Variants in ERO1A observed in about 807,000 individuals in gnomAD.
ERO1A encodes ERO1-like protein alpha.
Under a neutral mutation model 76.9 loss-of-function variants are expected in ERO1A, and 49 were observed. The ratio of observed to expected loss-of-function variants is 0.64; its 90% CI spans 0.51 to 0.81. ERO1A has a LOEUF of 0.81. Ranked by LOEUF, ERO1A falls within the 30% of genes least tolerant of loss-of-function variation. The probability of loss-of-function intolerance (pLI) is 0.00; values close to 1 mark genes in which losing one functional copy is unlikely to be tolerated. For missense variants in ERO1A, 448 were observed against 542.1 expected (o/e 0.83, Z 1.72); for synonymous variants, 174 against 181.2 (o/e 0.96, Z 0.32).
At chr14:52,656,797 A>G (rs1287912324) in intron 11 of ERO1A, among the ~76,000 whole-genome samples, 1 of 152,000 alleles carries the variant, frequency 6.6e-6, no homozygotes, top group African/African-American at 2.4e-5. Context: ...ACAGTAGCTC[A>G]CGGCTATAAT....
chr14:52,665,753 G>C (rs1369853227), intron 7 of ERO1A, among the ~76,000 whole-genome samples: 1 of 152,060 alleles, frequency 6.6e-6, no homozygotes, highest in Non-Finnish European at 1.5e-5. Flanking sequence ...CGTACAAAGC[G>C]GGCTCTTTCA....
rs535132914 is a variant in ERO1A, at chr14:52,688,538, C to T, written c.115-4631G>A. On this transcript the variant is annotated intron_variant, in intron 1 of 15. Transcript: ENST00000395686. ...AGTACATGTTAATCATTATTATTAC[C>T]CTACTTCTACTTAAATGCTTCCAAT... is the stretch of plus-strand genomic sequence containing the variant. Among the ~76,000 whole-genome samples the T allele has an allele frequency of 6.6e-5, 10 of 152,116 alleles. 2 individuals carry two copies. Among genetic ancestry groups the T allele is most frequent in the African/African-American group, 2.4e-4 (10 of 41,474 alleles).
chr14:52,671,951 C>T, intron 4 of ERO1A, 80 bp from the exon 5 acceptor site: 1 of 983,004 alleles, frequency 1.0e-6, no homozygotes, highest in Non-Finnish European at 1.5e-6. Flanking sequence ...TTATCTGAAG[C>T]TCTTTTTATT....
At chr14:52,670,746 A>T (rs896649469) in intron 6 of ERO1A, among the ~76,000 whole-genome samples, 2 of 152,256 alleles carry the variant, frequency 1.3e-5, no homozygotes, top group Non-Finnish European at 2.9e-5. Context: ...AGCTATTTAT[A>T]CAAAATGTAT....
chr14:52,648,351 A>C (rs187587946), intron 13 of ERO1A, among the ~76,000 whole-genome samples: 11 of 152,280 alleles, frequency 7.2e-5, no homozygotes, highest in Non-Finnish European at 1.2e-4. Context: ...TCACACTTTT[A>C]ACAATAATAA....
chr14:52,683,935 T>C (rs1231249178), intron 1 of ERO1A, 28 bp from the exon 2 acceptor site: 1 of 1,551,768 alleles, frequency 6.4e-7, no homozygotes, highest in African/African-American at 1.4e-5. Flanking sequence ...AAATATTAAA[T>C]TGAAATGTCC....
chr14:52,663,129 G>A (rs17125634), intron 8 of ERO1A, among the ~76,000 whole-genome samples: 19,534 of 152,032 alleles, frequency 0.13, 1,342 homozygotes, highest in East Asian at 0.21. Flanking sequence ...GTTGAAATCA[G>A]ATGCCCAATA....
intron 13 of ERO1A, among the ~76,000 whole-genome samples, chr14:52,649,934 TG>T (rs2039798719): frequency 1.3e-5 from 2 of 152,278 alleles, no homozygotes; most frequent in South Asian, 4.1e-4. Context: ...GAAATCAGGC[TG>T]GGTATGGTGG....
chr14:52,661,271 A>G (rs2139676395), intron 9 of ERO1A, 22 bp downstream of exon 9: 2 of 1,046,602 alleles, frequency 1.9e-6, no homozygotes, highest in East Asian at 5.5e-5. Flanking sequence ...CATATATGTA[A>G]TATATAATAA....
chr14:52,654,799 G>A (rs1384725862), intron 11 of ERO1A, among the ~76,000 whole-genome samples: 3 of 152,116 alleles, frequency 2.0e-5, no homozygotes, highest in African/African-American at 7.2e-5. Context: ...TTCTAACTGT[G>A]TATTCATCAC....
chr14:52,654,277 C>T (rs1006985079), intron 11 of ERO1A, among the ~76,000 whole-genome samples: 4 of 151,924 alleles, frequency 2.6e-5, no homozygotes, highest in African/African-American at 9.7e-5. Context: ...CTGGTCATGA[C>T]TAATAAGAAT....
At position 52,646,339 on chromosome 14, in the gene ERO1A, G is replaced by A. The variant is rs867988617; in HGVS notation, c.1212+36C>T. ...AAATTAGAAAATTATTCATGCAAAG[G>A]GTAAATGAGAAATAGGAATGACTAA... On this transcript the variant is annotated intron_variant, in intron 14 of 15. Coordinates refer to ENST00000395686, the MANE Select transcript of ERO1A (RefSeq NM_014584.3). The A allele has an allele frequency of 8.7e-6, 14 of 1,603,494 alleles. No homozygotes were observed. The Middle Eastern group carries it at 2.2e-3, about 248-fold the overall frequency.
chr14:52,689,232 G>A (rs2041276971), intron 1 of ERO1A, among the ~76,000 whole-genome samples: 1 of 152,166 alleles, frequency 6.6e-6, no homozygotes. Flanking sequence ...GGGATTACAG[G>A]CATGAGCCAC....
chr14:52,686,633 T>A (rs927665335), intron 1 of ERO1A, among the ~76,000 whole-genome samples: 1 of 152,266 alleles, frequency 6.6e-6, no homozygotes, highest in Non-Finnish European at 1.5e-5. Flanking sequence ...ATCCCAGCAC[T>A]TTGGGTGGCC....
chr14:52,653,837 G>C (rs2039956570), intron 11 of ERO1A, among the ~76,000 whole-genome samples: 1 of 151,924 alleles, frequency 6.6e-6, no homozygotes, highest in Admixed American at 6.6e-5. Flanking sequence ...AATTTGTTAT[G>C]TATTTTTCTT....
chr14:52,659,063 A>G (rs1392314025), intron 9 of ERO1A, among the ~76,000 whole-genome samples: 1 of 152,208 alleles, frequency 6.6e-6, no homozygotes, highest in East Asian at 1.9e-4. Flanking sequence ...ATTTGTCAGA[A>G]CACTTCATAA....
intron 4 of ERO1A, among the ~76,000 whole-genome samples, chr14:52,675,729 G>A (rs892471177): frequency 2.6e-5 from 4 of 152,060 alleles, no homozygotes; most frequent in Non-Finnish European, 4.4e-5. Context: ...CGACCTCCCA[G>A]ACTCAAGGGA....
intron 13 of ERO1A, among the ~76,000 whole-genome samples, chr14:52,651,461 T>TGTGAAAGG (rs775070299): frequency 0.11 from 16,457 of 152,064 alleles, 987 homozygotes; most frequent in South Asian, 0.19. Flanking sequence ...TTATATGAGA[T>TGTGAAAGG]CATCAATGTG....
At chr14:52,661,940 AAATT>A (rs1481900851) in intron 8 of ERO1A, among the ~76,000 whole-genome samples, 2 of 152,052 alleles carry the variant, frequency 1.3e-5, no homozygotes, top group African/African-American at 4.8e-5. Context: ...ACAAAATAAA[AAATT>A]ATTCATAATT....
Sources: gnomAD v4.1 joint callset for allele counts (sites outside exome capture counted in the v4.1 genomes callset) on GRCh38, gnomAD v4.1.1 for gene constraint, MANE v1.5 for transcripts, NCBI Gene and HGNC (gene_info 2026-07-23, HGNC 2026-07-21) for gene names.